Variants in RASGRF2 observed in about 807,000 individuals in gnomAD.
RASGRF2 encodes ras-specific guanine nucleotide-releasing factor 2.
A neutral mutation model predicts 151.0 loss-of-function variants in RASGRF2; 76 were observed. The ratio of observed to expected loss-of-function variants is 0.50; its 90% CI spans 0.42 to 0.61. The LOEUF (loss-of-function observed/expected upper bound fraction) is 0.61. Ranked by LOEUF, RASGRF2 falls within the 20% of genes least tolerant of loss-of-function variation. The pLI, the probability that RASGRF2 is intolerant of heterozygous loss-of-function variation, is 0.00. For missense variants in RASGRF2, 1,148 were observed against 1,564.6 expected, an observed-to-expected ratio of 0.73 and a Z score of 4.49; for synonymous variants, 504 against 566.5, an observed-to-expected ratio of 0.89 and a Z score of 1.57.
intron 9 of RASGRF2, among the ~76,000 whole-genome samples, chr5:81,089,184 T>A (rs113603733): frequency 6.6e-6 from 1 of 152,224 alleles, no homozygotes; most frequent in Admixed American, 6.5e-5. Flanking sequence ...TTAACGACTT[T>A]AAGACCCATT....
chr5:80,966,351 T>C (rs517880), intron 1 of RASGRF2, among the ~76,000 whole-genome samples: 133,137 of 152,084 alleles, frequency 0.88, 58,752 homozygotes, highest in African/African-American at 0.97. Flanking sequence ...TGAAATTAGT[T>C]TACCTTAAAC....
intron 18 of RASGRF2, among the ~76,000 whole-genome samples, chr5:81,180,811 A>G (rs559939329): frequency 1.2e-4 from 18 of 151,594 alleles, no homozygotes; most frequent in African/African-American, 3.1e-4. Flanking sequence ...TTGGGTCCCA[A>G]TGCTGTTTTT....
chr5:81,193,023 G>A (rs758824285), intron 18 of RASGRF2, among the ~76,000 whole-genome samples: 22 of 152,042 alleles, frequency 1.4e-4, no homozygotes, highest in Non-Finnish European at 3.1e-4. Flanking sequence ...AATTATTTGT[G>A]TGATTTTAAT....
chr5:81,063,829 T>C (rs1228908757), intron 2 of RASGRF2, among the ~76,000 whole-genome samples: 1 of 152,220 alleles, frequency 6.6e-6, no homozygotes, highest in Non-Finnish European at 1.5e-5. Context: ...AAAAATCTGA[T>C]TACTCCTTTT....
chr5:80,982,781 T>C (rs952929948), intron 1 of RASGRF2, among the ~76,000 whole-genome samples: 1 of 151,870 alleles, frequency 6.6e-6, no homozygotes, highest in Non-Finnish European at 1.5e-5. Flanking sequence ...TTTGTATTTT[T>C]AGTAGAGACG....
chr5:81,021,402 C>CCTG (rs1360864106), intron 1 of RASGRF2, among the ~76,000 whole-genome samples: 1 of 152,124 alleles, frequency 6.6e-6, no homozygotes, highest in Admixed American at 6.5e-5. Flanking sequence ...GAAAAATGAA[C>CCTG]CTGCATTTAG....
intron 18 of RASGRF2, among the ~76,000 whole-genome samples, chr5:81,186,519 C>T (rs1561250600): frequency 1.3e-5 from 2 of 152,118 alleles, no homozygotes; most frequent in Non-Finnish European, 2.9e-5. Flanking sequence ...ACCCTTTTCC[C>T]ATTATAAGAG....
intron 17 of RASGRF2, among the ~76,000 whole-genome samples, chr5:81,129,882 T>C (rs1430010089): frequency 7.2e-5 from 11 of 152,192 alleles, no homozygotes; most frequent in Non-Finnish European, 1.6e-4. Context: ...TGGGGTTTAT[T>C]TGAGATGAGC....
intron 4 of RASGRF2, among the ~76,000 whole-genome samples, chr5:81,071,942 T>A (rs1435699066): frequency 6.6e-6 from 1 of 152,196 alleles, no homozygotes; most frequent in African/African-American, 2.4e-5. Flanking sequence ...TTTAAAAATA[T>A]TTCTGTTAAA....
At chr5:81,082,798 G>A (rs929988166) in intron 7 of RASGRF2, among the ~76,000 whole-genome samples, 18 of 152,208 alleles carry the variant, frequency 1.2e-4, no homozygotes, top group African/African-American at 4.1e-4. Context: ...GCTTTGATCT[G>A]GAAGAAGCCT....
At chr5:80,973,998 A>G (rs1045649043) in intron 1 of RASGRF2, among the ~76,000 whole-genome samples, 3 of 152,236 alleles carry the variant, frequency 2.0e-5, no homozygotes, top group Admixed American at 1.3e-4. Context: ...CCAATCTGCC[A>G]GGAGCAGTAG....
At chr5:81,043,163 A>T (rs1244798799) in intron 2 of RASGRF2, among the ~76,000 whole-genome samples, 180 bp downstream of exon 2, 1 of 152,204 alleles carries the variant, frequency 6.6e-6, no homozygotes, top group Admixed American at 6.5e-5. Context: ...CCAGCTAAAG[A>T]TTAATGGTAA....
rs1472852067 is a variant in RASGRF2 at position 81,075,653 on chromosome 5, AC to A, written c.887+2202del. ...AACTAGAAGGATGGAATTACTGTTT[AC>A]TAAATGGTAAAGATTGAGTGAAGAA... On this transcript the variant is annotated intron_variant, in intron 5 of 26. Transcript: ENST00000265080. 7.2e-5 allele frequency among the ~76,000 whole-genome samples: 11 copies of A among 152,344 alleles called. No homozygotes were observed. The East Asian group carries it at 1.9e-3, about 27-fold the overall frequency.
chr5:81,166,085 A>T (rs189108739), intron 17 of RASGRF2, among the ~76,000 whole-genome samples: 2 of 152,328 alleles, frequency 1.3e-5, no homozygotes, highest in African/African-American at 4.8e-5. Context: ...GGTGTATAGA[A>T]TTGGTGTTGC....
chr5:81,111,062 G>C (rs907760784), intron 13 of RASGRF2, among the ~76,000 whole-genome samples: 2 of 152,178 alleles, frequency 1.3e-5, no homozygotes, highest in South Asian at 4.1e-4. Flanking sequence ...TAAGAAAGCA[G>C]TTGATTCCTT....
intron 5 of RASGRF2, among the ~76,000 whole-genome samples, chr5:81,079,411 G>T (rs1752023942): frequency 6.6e-6 from 1 of 152,216 alleles, no homozygotes; most frequent in African/African-American, 2.4e-5. Context: ...CAAGCCAAGG[G>T]ATCTCACTGA....
At chr5:80,981,093 A>G (rs1050477897) in intron 1 of RASGRF2, among the ~76,000 whole-genome samples, 1 of 152,214 alleles carries the variant, frequency 6.6e-6, no homozygotes, top group South Asian at 2.1e-4. Flanking sequence ...TTATGTTACT[A>G]TACTCCCAAT....
chr5:81,151,385 C>CTT (rs34158947), intron 17 of RASGRF2, among the ~76,000 whole-genome samples: 41 of 134,650 alleles, frequency 3.0e-4, no homozygotes, highest in African/African-American at 9.1e-4. Context: ...AAACTGGTAC[C>CTT]TTTTTTTTTT....
intron 9 of RASGRF2, among the ~76,000 whole-genome samples, chr5:81,091,387 T>C (rs1318773914): frequency 6.6e-6 from 1 of 152,054 alleles, no homozygotes; most frequent in African/African-American, 2.4e-5. Context: ...GCCCATCCCT[T>C]CGTGGGAGTC....
Sources: allele counts gnomAD v4.1 joint callset (sites outside exome capture counted in the v4.1 genomes callset), GRCh38; gene constraint gnomAD v4.1.1; transcripts MANE v1.5; gene names NCBI Gene and HGNC (gene_info 2026-07-23, HGNC 2026-07-21).